The following ZG16 variants were observed in gnomAD, a reference collection of about 807,000 sequenced individuals.
ZG16 encodes the protein zymogen granule membrane protein 16.
In ZG16, 9 loss-of-function variants were observed where a neutral mutation model predicts 15.6. The ratio of observed to expected loss-of-function variants is 0.58; its 90% CI spans 0.35 to 1.00. The LOEUF (loss-of-function observed/expected upper bound fraction) is 1.00. ZG16 is among the 50% of genes least tolerant of loss of function. The pLI, the probability that ZG16 is intolerant of heterozygous loss-of-function variation, is 0.02. For missense variants in ZG16, 174 were observed against 214.8 expected (o/e 0.81, Z 1.19); for synonymous variants, 89 against 87.4 (o/e 1.02, Z -0.10).
In ZG16 at chr16:29,782,596, A is replaced by G. The variant is rs963817624; in HGVS notation, c.*2177A>G. On this transcript the variant is annotated 3_prime_UTR_variant, in exon 4 of 4. Transcript: ENST00000400752. ...TGATTCATCAGTGATTCCCTAATCA[A>G]TGCCATTGGCTTGCATTGGGACTAT... The G allele has an allele frequency of 6.6e-6, 1 of 152,122 alleles. No individual in the cohort carries two copies. Among genetic ancestry groups the G allele is most frequent in the African/African-American group, 2.4e-5 (1 of 41,420 alleles). 9.4% of individuals were successfully genotyped at this position (152,122 alleles called of 1,614,324 possible).
In ZG16 at chr16:29,780,339, A is replaced by G. The variant is rs1395031307; in HGVS notation, c.424A>G (p.Ile142Val). The G allele has an allele frequency of 1.3e-6, 2 of 1,537,334 alleles. No individual in the cohort carries two copies. Among genetic ancestry groups the G allele is most frequent in the Non-Finnish European group, 1.7e-6 (2 of 1,146,922 alleles). The change falls in exon 4 of 4, where the codon ATC becomes GTC. Residue 142 changes from isoleucine to valine, a missense_variant. By Grantham distance (29) the Ile-to-Val change is conservative. Transcript: ENST00000400752. The part of the protein sequence containing the change: ...PLHPNTVLRF[I>V]SGRSGSLIDA... ...GCACCCCAACACCGTGCTCCGCTTC[A>G]TCAGTGGCCGGTCTGGTTCTCTCAT...
chr16:29,779,125 T>C (rs1039561380), intron 1 of ZG16, 135 bp from the exon 2 acceptor site: 1 of 801,470 alleles, frequency 1.2e-6, no homozygotes, highest in Non-Finnish European at 2.0e-6. Flanking sequence ...CTTTCTAAGC[T>C]CAAGACTGGG....
Position 29,780,354 on chromosome 16 carries a change from G to C in ZG16, c.439G>C (p.Gly147Arg), listed in dbSNP as rs1222544288. 1 of 1,537,276 alleles carries C rather than the reference G, an allele frequency of 6.5e-7. No homozygotes were observed. The highest frequency in any genetic ancestry group is 1.2e-5 in the South Asian group (1 of 84,066). ...TVLRFISGRS[G>R]SLIDAIGLHW... ...GCTCCGCTTCATCAGTGGCCGGTCT[G>C]GTTCTCTCATCGATGCCATTGGCCT... The change falls in exon 4 of 4, where the codon GGT becomes CGT. Residue 147 changes from glycine to arginine, a missense_variant. By Grantham distance (125) the Gly-to-Arg change is moderately radical (BLOSUM62 -2). Transcript: ENST00000400752.
Position 29,780,432 on chromosome 16 carries a change from T to C in ZG16, c.*13T>C. ...CAGCAGATGCTGAGCCTCCTCTCCT[T>C]GGCAGGGGCACTGTGATGAGGAGTA... On this transcript the variant is annotated 3_prime_UTR_variant, in exon 4 of 4. Transcript: ENST00000400752. 1.3e-6 allele frequency: 2 copies of C among 1,519,250 alleles called. No individual in the cohort carries two copies. Among genetic ancestry groups the C allele is most frequent in the Non-Finnish European group, 1.8e-6 (2 of 1,135,248 alleles). 94.1% of individuals were successfully genotyped at this position (1,519,250 alleles called of 1,614,324 possible).
At chr16:29,780,076 T>C (rs1357421694) in intron 3 of ZG16, 28 bp from the exon 4 acceptor site, 2 of 1,516,760 alleles carry the variant, frequency 1.3e-6, no homozygotes, top group East Asian at 2.5e-5. Context: ...CACCTTTCTT[T>C]CTCCTTCCTT....
chr16:29,780,492 C>T lies in ZG16; in HGVS notation c.*73C>T. 8.1e-7 allele frequency: 1 copy of T among 1,227,456 alleles called. No individual in the cohort carries two copies. Among genetic ancestry groups the T allele is most frequent in the African/African-American group, 2.0e-5 (1 of 48,782 alleles). 76.0% of individuals were successfully genotyped at this position (1,227,456 alleles called of 1,614,324 possible). A position where few individuals can be genotyped will look rare whatever the true frequency, so the allele number is the denominator to read the frequency against. On this transcript the variant is annotated 3_prime_UTR_variant, in exon 4 of 4. Coordinates refer to ENST00000400752, the MANE Select transcript of ZG16 (RefSeq NM_152338.4). ...TTATCACTAACCCCCATCCAAATGG[C>T]TCAATAAAAAAAATATGGTTAAGGC... is the stretch of plus-strand genomic sequence containing the variant.
intron 1 of ZG16, 36 bp from the exon 2 acceptor site, chr16:29,779,224 G>A: frequency 6.5e-7 from 1 of 1,535,156 alleles, no homozygotes; most frequent in Non-Finnish European, 8.7e-7. Context: ...CAAGGAAGAA[G>A]GTGAATCTTC....
rs1180807526 is a variant in ZG16 at position 29,781,066 on chromosome 16, G to T, written c.*647G>T. ...TCCTCAGGAAGCCACCACCTTCTCA[G>T]CAGTGGAAACCCTGCCCACACTATG... On this transcript the variant is annotated 3_prime_UTR_variant, in exon 4 of 4. Coordinates refer to ENST00000400752, the MANE Select transcript of ZG16 (RefSeq NM_152338.4). 4.6e-5 allele frequency: 7 copies of T among 152,678 alleles called. No homozygotes were observed. The highest frequency in any genetic ancestry group is 1.4e-4 in the African/African-American group (6 of 41,468). The allele number at this position is 152,678 out of a possible 1,614,324, so 9.5% of individuals were successfully genotyped here. A position where few individuals can be genotyped will look rare whatever the true frequency, so the allele number is the denominator to read the frequency against.
At position 29,781,234 on chromosome 16, in the gene ZG16, GA is replaced by G. The variant is rs1313612230; in HGVS notation, c.*818del. On this transcript the variant is annotated 3_prime_UTR_variant, in exon 4 of 4. Transcript: ENST00000400752. ...CAAGAAGTTTGGCTGTGGTTTGCCA[GA>G]AATAGGCAAGTCAGTTTTCGGGGGT... The G allele has an allele frequency of 6.6e-6, 1 of 152,240 alleles. No homozygotes were observed. Among genetic ancestry groups the G allele is most frequent in the Non-Finnish European group, 1.5e-5 (1 of 68,074 alleles). The allele number at this position is 152,240 out of a possible 1,614,324, so 9.4% of individuals were successfully genotyped here. A position where few individuals can be genotyped will look rare whatever the true frequency, so the allele number is the denominator to read the frequency against.
At chr16:29,779,763 G>A in intron 3 of ZG16, 126 bp downstream of exon 3, 1 of 1,251,014 alleles carries the variant, frequency 8.0e-7, no homozygotes, top group Non-Finnish European at 1.1e-6. Flanking sequence ...TGCCAGGGAT[G>A]CCAGGGATTT....
At position 29,779,304 on chromosome 16, in the gene ZG16, C is replaced by T. The variant is rs868390729; in HGVS notation, c.38C>T (p.Ser13Leu). 5.9e-6 allele frequency: 9 copies of T among 1,537,636 alleles called. No homozygotes were observed. In the African/African-American group the frequency reaches 1.1e-4, roughly 19 times the overall value. ...TVALLALLCA[S>L]ASGNAIQARS... is the part of the protein sequence containing the mutation. Reference sequence around the variant, plus strand: ...GCTCTCCTAGCCCTTCTCTGTGCCTCAGCCTCTGGCAATGCCAGTAAGTGA... The same window carrying T: ...GCTCTCCTAGCCCTTCTCTGTGCCTTAGCCTCTGGCAATGCCAGTAAGTGA... The change falls in exon 2 of 4, where the codon TCA (serine) becomes TTA (leucine). Residue 13 changes from serine (S) to leucine (L), a missense_variant. Ser to Leu is a moderately radical substitution (Grantham distance 145, BLOSUM62 -2). Transcript: ENST00000400752.
intron 1 of ZG16, 129 bp from the exon 2 acceptor site, chr16:29,779,131 C>T: frequency 1.2e-6 from 1 of 826,724 alleles, no homozygotes. Flanking sequence ...AAGCTCAAGA[C>T]TGGGTCTGCT....
Position 29,780,148 on chromosome 16 carries a change from G to C in ZG16, c.233G>C (p.Gly78Ala), listed in dbSNP as rs1465166382. The C allele has an allele frequency of 6.5e-7, 1 of 1,537,076 alleles. No homozygotes were observed. The highest frequency in any genetic ancestry group is 8.7e-7 in the Non-Finnish European group (1 of 1,146,902). The change falls in exon 4 of 4, where the codon GGT (glycine) becomes GCT (alanine). Residue 78 changes from glycine to alanine, a missense_variant. Physicochemically the swap from Gly to Ala is moderately conservative, Grantham distance 60. Coordinates refer to ENST00000400752, the MANE Select transcript of ZG16 (RefSeq NM_152338.4). ...AAGGTGTGGAGCGACTATGTGGGTG[G>C]TCGCAACGGAGACCTGGAGGAGATC... is the stretch of plus-strand genomic sequence containing the variant. ...YGKVWSDYVG[G>A]RNGDLEEIFL...
In ZG16 at chr16:29,780,714, A is replaced by T. The variant is rs959507122; in HGVS notation, c.*295A>T. Reference sequence around the variant, plus strand: ...TTCTGGCTTGCATCAACGCTCTTCAAGGACAGCTCCTTGGAACATTGATCC... The same window carrying T: ...TTCTGGCTTGCATCAACGCTCTTCATGGACAGCTCCTTGGAACATTGATCC... On this transcript the variant is annotated 3_prime_UTR_variant, in exon 4 of 4. Coordinates refer to ENST00000400752, the MANE Select transcript of ZG16 (RefSeq NM_152338.4). 1.5e-4 allele frequency: 49 copies of T among 333,100 alleles called. No homozygotes were observed. Among genetic ancestry groups the T allele is most frequent in the South Asian group, 1.1e-3 (23 of 21,374 alleles). The allele number at this position is 333,100 out of a possible 1,614,324, so 20.6% of individuals were successfully genotyped here. A position where few individuals can be genotyped will look rare whatever the true frequency, so the allele number is the denominator to read the frequency against.
In ZG16 at chr16:29,780,981, T is replaced by G. The variant is rs2142354106; in HGVS notation, c.*562T>G. 2 of 152,840 alleles carry G rather than the reference T, an allele frequency of 1.3e-5. No homozygotes were observed. Among genetic ancestry groups the G allele is most frequent in the African/African-American group, 4.8e-5 (2 of 41,568 alleles). The allele number at this position is 152,840 out of a possible 1,614,324, so 9.5% of individuals were successfully genotyped here. The stretch of plus-strand genomic sequence containing the variant: ...CCCTGTTACCAGGCCCAGTTCCTCC[T>G]CACCTCTACCCATGAGCCCCGGTGT... On this transcript the variant is annotated 3_prime_UTR_variant, in exon 4 of 4. Coordinates refer to ENST00000400752, the MANE Select transcript of ZG16 (RefSeq NM_152338.4).
chr16:29,780,109 A>T lies in ZG16; in HGVS notation c.194A>T (p.Gln65Leu). ...CTTCCTCCCCTCTTCCTCAGTCTTC[A>T]GGTGCGCTATGGCAAGGTGTGGAGC... ...RVNTYYIVGLQVRYGKVWSDY... is the reference protein window; with the variant it reads ...RVNTYYIVGLLVRYGKVWSDY... The change falls in exon 4 of 4, where the codon CAG (glutamine) becomes CTG (leucine). Residue 65 changes from glutamine to leucine, a missense_variant. Transcript: ENST00000400752. 1 of 1,535,742 alleles carries T rather than the reference A, an allele frequency of 6.5e-7. No individual in the cohort carries two copies. The highest frequency in any genetic ancestry group is 8.7e-7 in the Non-Finnish European group (1 of 1,145,858).
rs1898628502 is a variant in ZG16, at chr16:29,781,874, G to C, written c.*1455G>C. ...GACACCTAAATTAAGCATTGCACCT[G>C]ATAACACCATGGAGGACTGGGTGGA... On this transcript the variant is annotated 3_prime_UTR_variant, in exon 4 of 4. Coordinates refer to ENST00000400752, the MANE Select transcript of ZG16 (RefSeq NM_152338.4). The C allele has an allele frequency of 6.6e-6, 1 of 152,224 alleles. No individual in the cohort carries two copies. The highest frequency in any genetic ancestry group is 1.5e-5 in the Non-Finnish European group (1 of 68,058). The allele number at this position is 152,224 out of a possible 1,614,324, so 9.4% of individuals were successfully genotyped here.
At chr16:29,778,671 T>C (rs1357199164) in intron 1 of ZG16, among the ~76,000 whole-genome samples, 1 of 152,112 alleles carries the variant, frequency 6.6e-6, no homozygotes, top group Non-Finnish European at 1.5e-5. Context: ...GTCACCAACT[T>C]TGCTCCCCAG....
chr16:29,779,041 C>G (rs908520547), intron 1 of ZG16, among the ~76,000 whole-genome samples: 1 of 152,104 alleles, frequency 6.6e-6, no homozygotes, highest in African/African-American at 2.4e-5. Flanking sequence ...ACAGCCAGAC[C>G]AGGGAGAGCT....
Sources: allele counts gnomAD v4.1 joint callset (sites outside exome capture counted in the v4.1 genomes callset), GRCh38; gene constraint gnomAD v4.1.1; transcripts MANE v1.5; gene names NCBI Gene and HGNC (gene_info 2026-07-23, HGNC 2026-07-21).